Variants in SLC5A5 observed in about 807,000 individuals in gnomAD.
The protein encoded by SLC5A5 is solute carrier family 5 member 5.
SLC5A5 carries 56 observed loss-of-function variants against 68.6 expected under a neutral mutation model. That is an observed-to-expected ratio of 0.82 (90% CI 0.66 to 1.02). SLC5A5 has a LOEUF of 1.02. Ranked by LOEUF, SLC5A5 falls within the 50% of genes least tolerant of loss-of-function variation. The pLI is 0.00. For missense variants in SLC5A5, 807 were observed against 859.8 expected (o/e 0.94, Z 0.77); for synonymous variants, 398 against 373.0 (o/e 1.07, Z -0.77).
chr19:17,872,228 C>G lies in SLC5A5; in HGVS notation c.-92C>G. On this transcript the variant is annotated 5_prime_UTR_variant, in exon 1 of 15. Transcript: ENST00000222248. ...GGCTGCCGAGCATCCTCCCACCCGC[C>G]CTCCCCGTCCTGCCTCCTCGGCCCC... 6.1e-6 allele frequency: 3 copies of G among 490,460 alleles called. No homozygotes were observed. The highest frequency in any genetic ancestry group is 1.2e-5 in the Non-Finnish European group (3 of 260,442). 30.4% of individuals were successfully genotyped at this position (490,460 alleles called of 1,614,324 possible).
intron 10 of SLC5A5, among the ~76,000 whole-genome samples, chr19:17,882,611 G>A (rs1257157722): frequency 6.6e-6 from 1 of 151,660 alleles, no homozygotes; most frequent in Non-Finnish European, 1.5e-5. Context: ...CACCCCCTGG[G>A]TTCAAGGAAT....
In SLC5A5 at chr19:17,874,136, A is replaced by G; in HGVS notation, c.358-2A>G. The G allele has an allele frequency of 1.9e-6, 3 of 1,609,814 alleles. No individual in the cohort carries two copies. Among genetic ancestry groups the G allele is most frequent in the East Asian group, 2.2e-5 (1 of 44,832 alleles). ...CAGGTGACCTCGAGTCCCTCCTTGC[A>G]GTACCTGGAGATGCGCTTCAGCCGC... On this transcript the variant is annotated splice_acceptor_variant, in intron 1 of 14. Coordinates refer to ENST00000222248, the MANE Select transcript of SLC5A5 (RefSeq NM_000453.3). LOFTEE classifies it high-confidence loss of function.
chr19:17,892,784 T>G (rs2030238748), intron 14 of SLC5A5, among the ~76,000 whole-genome samples: 1 of 150,074 alleles, frequency 6.7e-6, no homozygotes, highest in Non-Finnish European at 1.5e-5. Flanking sequence ...GGGAGCAACT[T>G]TAGCCAGGGA....
intron 14 of SLC5A5, 66 bp from the exon 15 acceptor site, chr19:17,893,647 G>T: frequency 6.6e-7 from 1 of 1,524,988 alleles, no homozygotes; most frequent in South Asian, 1.1e-5. Context: ...TCTGGGAGAT[G>T]AGCTGACACG....
intron 5 of SLC5A5, 33 bp downstream of exon 5, chr19:17,876,139 A>C (rs765194561): frequency 6.2e-7 from 1 of 1,611,690 alleles, no homozygotes; most frequent in South Asian, 1.1e-5. Flanking sequence ...CTCCAGCAGG[A>C]TGGGGCTGGG....
intron 4 of SLC5A5, among the ~76,000 whole-genome samples, 194 bp downstream of exon 4, chr19:17,874,925 G>A (rs113288888): frequency 2.0e-5 from 3 of 152,142 alleles, no homozygotes; most frequent in African/African-American, 7.2e-5. Flanking sequence ...CTTCAGGCAT[G>A]GCTGGATCCA....
rs112077649 is a variant in SLC5A5, at chr19:17,872,266, C to T, written c.-54C>T. 4,640 of 1,304,458 alleles carry T rather than the reference C, an allele frequency of 3.6e-3. 128 individuals carry two copies. In the African/African-American group the frequency reaches 0.056, roughly 16 times the overall value. 80.8% of individuals were successfully genotyped at this position (1,304,458 alleles called of 1,614,324 possible). ...CCTCCTCGGCCCCTGCCAGCTTCCC[C>T]CGCTTGAGCACGCAGGGCGTCCGAG... On this transcript the variant is annotated 5_prime_UTR_variant, in exon 1 of 15. Transcript: ENST00000222248.
chr19:17,876,459 G>A (rs1183447809), intron 5 of SLC5A5, among the ~76,000 whole-genome samples: 3 of 151,376 alleles, frequency 2.0e-5, no homozygotes, highest in Admixed American at 2.0e-4. Flanking sequence ...TGGGTGCAGT[G>A]GTTCATGCCT....
chr19:17,890,897 C>T lies in SLC5A5; in HGVS notation c.1663C>T (p.Arg555Cys), dbSNP rs754164167. Reference protein sequence around the residue: ...LISCLTGPTKRSTLAPGLLWW... With the variant: ...LISCLTGPTKCSTLAPGLLWW... ...TCCCCGCCTCTCAGGCCCCACCAAGCGCAGCACCCTGGCCCCGGGATTGTT... is the reference window on the plus strand; with the variant it reads ...TCCCCGCCTCTCAGGCCCCACCAAGTGCAGCACCCTGGCCCCGGGATTGTT... The change falls in exon 14 of 15, where the codon CGC becomes TGC. Residue 555 changes from arginine to cysteine, a missense_variant. Physicochemically the swap from Arg to Cys is radical, Grantham distance 180. Transcript: ENST00000222248. 21 of 1,613,242 alleles carry T rather than the reference C, an allele frequency of 1.3e-5. No homozygotes were observed. In the East Asian group the frequency reaches 1.3e-4, roughly 10 times the overall value.
At chr19:17,879,381 T>C (rs1719958120) in intron 7 of SLC5A5, among the ~76,000 whole-genome samples, 1 of 152,156 alleles carries the variant, frequency 6.6e-6, no homozygotes, top group Non-Finnish European at 1.5e-5. Flanking sequence ...TTGGTGATAA[T>C]AATAATGACA....
At chr19:17,874,262 C>A in intron 2 of SLC5A5, 59 bp downstream of exon 2, 1 of 1,267,158 alleles carries the variant, frequency 7.9e-7, no homozygotes, top group Non-Finnish European at 1.1e-6. Flanking sequence ...CCTTCACTAG[C>A]CCGGCCCCCA....
intron 14 of SLC5A5, among the ~76,000 whole-genome samples, chr19:17,891,308 C>T (rs544840022): frequency 5.3e-5 from 8 of 152,216 alleles, no homozygotes; most frequent in African/African-American, 1.7e-4. Flanking sequence ...CGAGTTCAAG[C>T]GATTCTCCTG....
In SLC5A5 at chr19:17,883,697, T is replaced by C; in HGVS notation, c.1259T>C (p.Met420Thr). 1 of 1,588,182 alleles carries C rather than the reference T, an allele frequency of 6.3e-7. No homozygotes were observed. The highest frequency in any genetic ancestry group is 8.6e-7 in the Non-Finnish European group (1 of 1,165,868). The stretch of plus-strand genomic sequence containing the variant: ...CTCTCCCAGGGCTCCTTCACCGTCA[T>C]GGGAGTCATCAGCGGCCCCCTGCTG... The part of the protein sequence containing the change: ...GGVLQGSFTV[M>T]GVISGPLLGA... The change falls in exon 11 of 15, where the codon ATG (methionine) becomes ACG (threonine). Residue 420 changes from methionine to threonine, a missense_variant. Met to Thr is a moderately conservative substitution (Grantham distance 81). Coordinates refer to ENST00000222248, the MANE Select transcript of SLC5A5 (RefSeq NM_000453.3).
chr19:17,890,893 C>T lies in SLC5A5; in HGVS notation c.1659C>T (p.Thr553=). The change falls in exon 14 of 15, where the codon ACC becomes ACT. Residue 553 remains threonine, a synonymous_variant. Coordinates refer to ENST00000222248, the MANE Select transcript of SLC5A5 (RefSeq NM_000453.3). The stretch of plus-strand genomic sequence containing the variant: ...TTTCTCCCCGCCTCTCAGGCCCCAC[C>T]AAGCGCAGCACCCTGGCCCCGGGAT... ...GALISCLTGP[T]KRSTLAPGLL... is the part of the protein sequence containing the mutation. 6.2e-7 allele frequency: 1 copy of T among 1,612,994 alleles called. No individual in the cohort carries two copies. The highest frequency in any genetic ancestry group is 8.5e-7 in the Non-Finnish European group (1 of 1,179,130).
chr19:17,872,205 C>A lies in SLC5A5; in HGVS notation c.-115C>A. The A allele has an allele frequency of 1.4e-6, 1 of 722,296 alleles. No homozygotes were observed. The highest frequency in any genetic ancestry group is 1.7e-5 in the South Asian group (1 of 57,554). The allele number at this position is 722,296 out of a possible 1,614,324, so 44.7% of individuals were successfully genotyped here. A position where few individuals can be genotyped will look rare whatever the true frequency, so the allele number is the denominator to read the frequency against. ...CCACCCCAGACGGAGCGGGGACAGG[C>A]TGCCGAGCATCCTCCCACCCGCCCT... is the stretch of plus-strand genomic sequence containing the variant. On this transcript the variant is annotated 5_prime_UTR_variant, in exon 1 of 15. The change creates a new upstream start codon in the 5' untranslated region. Coordinates refer to ENST00000222248, the MANE Select transcript of SLC5A5 (RefSeq NM_000453.3).
chr19:17,887,135 G>T (rs1033988463), intron 12 of SLC5A5, among the ~76,000 whole-genome samples: 4 of 152,036 alleles, frequency 2.6e-5, no homozygotes, highest in Admixed American at 2.0e-4. Flanking sequence ...TGGGTGATTT[G>T]TCTTTTTATT....
At chr19:17,880,200 CTTTCTTTCT>C (rs2094317396) in intron 7 of SLC5A5, among the ~76,000 whole-genome samples, 1 of 149,508 alleles carries the variant, frequency 6.7e-6, no homozygotes, top group African/African-American at 2.5e-5. Context: ...TGTGCCCGGC[CTTTCTTTCT>C]TTTCTTTCTT....
intron 7 of SLC5A5, among the ~76,000 whole-genome samples, chr19:17,879,787 CA>C (rs1453870835): frequency 1.8e-4 from 27 of 152,310 alleles, no homozygotes; most frequent in African/African-American, 6.5e-4. Context: ...CCCTGCTTCA[CA>C]GGGATCCCAG....
At chr19:17,882,898 T>C (rs1193269238) in intron 10 of SLC5A5, among the ~76,000 whole-genome samples, 3 of 151,710 alleles carry the variant, frequency 2.0e-5, no homozygotes, top group Non-Finnish European at 4.4e-5. Flanking sequence ...TTAGCCAGGA[T>C]GGTCTCGATC....
Sources: allele counts gnomAD v4.1 joint callset (sites outside exome capture counted in the v4.1 genomes callset), GRCh38; gene constraint gnomAD v4.1.1; transcripts MANE v1.5; gene names NCBI Gene and HGNC (gene_info 2026-07-23, HGNC 2026-07-21).